PIM3: variants seen among roughly 807,000 people sequenced by gnomAD.
The protein encoded by PIM3 is serine/threonine-protein kinase pim-3.
Under a neutral mutation model 27.5 loss-of-function variants are expected in PIM3, and 13 were observed. The ratio of observed to expected loss-of-function variants is 0.47; its 90% CI spans 0.31 to 0.75. The LOEUF (loss-of-function observed/expected upper bound fraction) is 0.75. PIM3 is among the 30% of genes least tolerant of loss of function. The pLI is 0.05. For missense variants in PIM3, 482 were observed against 476.9 expected, an observed-to-expected ratio of 1.01 and a Z score of -0.10; for synonymous variants, 341 against 221.1, an observed-to-expected ratio of 1.54 and a Z score of -4.81.
At position 49,961,136 on chromosome 22, in the gene PIM3, A is replaced by G. The variant is rs1456765532; in HGVS notation, c.97A>G (p.Lys33Glu). Reference sequence around the variant, plus strand: ...GCGCCTCCCTGCAGCCAAGGCGGACAAGGAGAGCTTCGAGAAGGCGTACCA... The same window carrying G: ...GCGCCTCCCTGCAGCCAAGGCGGACGAGGAGAGCTTCGAGAAGGCGTACCA... Reference protein sequence around the residue: ...VKILQPAKADKESFEKAYQVG... With the variant: ...VKILQPAKADEESFEKAYQVG... Residue 33 changes from lysine (K) to glutamate (E), a missense_variant, in exon 2 of 6, where the codon AAG (lysine) becomes GAG (glutamate). By Grantham distance (56) the Lys-to-Glu change is moderately conservative. Coordinates refer to ENST00000360612, the MANE Select transcript of PIM3 (RefSeq NM_001001852.4). 1.3e-6 allele frequency: 2 copies of G among 1,510,012 alleles called. No homozygotes were observed. The highest frequency in any genetic ancestry group is 1.2e-5 in the South Asian group (1 of 80,172). 93.5% of individuals were successfully genotyped at this position (1,510,012 alleles called of 1,614,324 possible). A position where few individuals can be genotyped will look rare whatever the true frequency, so the allele number is the denominator to read the frequency against.
Position 49,963,246 on chromosome 22 carries a change from C to T in PIM3, c.*119C>T, listed in dbSNP as rs953687795. The T allele has an allele frequency of 1.6e-5, 18 of 1,158,578 alleles. No individual in the cohort carries two copies. In the Admixed American group the frequency reaches 1.8e-4, roughly 12 times the overall value. The allele number at this position is 1,158,578 out of a possible 1,614,324, so 71.8% of individuals were successfully genotyped here. ...CTCCTGCGGAAGCAGTGACCTCTGA[C>T]CCCTGGTGACCTTCGCTTTGAGTGC... On this transcript the variant is annotated 3_prime_UTR_variant, in exon 6 of 6. Transcript: ENST00000360612.
intron 3 of PIM3, 30 bp downstream of exon 3, chr22:49,961,398 C>G (rs1264805951): frequency 2.8e-5 from 40 of 1,413,878 alleles, no homozygotes; most frequent in South Asian, 7.9e-5. Flanking sequence ...GCGGCGGCGG[C>G]GGGGGGCGGG....
At position 49,962,859 on chromosome 22, in the gene PIM3, T is replaced by G; in HGVS notation, c.787T>G (p.Ser263Ala). ...RGRLLFRRRV[S>A]PECQQLIRWC... ...CCGCCTGCTCTTCCGGAGGAGGGTC[T>G]CTCCAGGTGCGTGGTGGCTCGAGGC... Residue 263 changes from serine (S) to alanine (A), a missense_variant, in exon 5 of 6, where the codon TCT becomes GCT. By Grantham distance (99) the Ser-to-Ala change is moderately conservative. Transcript: ENST00000360612. 1 of 1,608,672 alleles carries G rather than the reference T, an allele frequency of 6.2e-7. No individual in the cohort carries two copies. Among genetic ancestry groups the G allele is most frequent in the Non-Finnish European group, 8.5e-7 (1 of 1,179,120 alleles).
Position 49,963,261 on chromosome 22 carries a change from G to A in PIM3, c.*134G>A. On this transcript the variant is annotated 3_prime_UTR_variant, in exon 6 of 6. Transcript: ENST00000360612. ...TGACCTCTGACCCCTGGTGACCTTC[G>A]CTTTGAGTGCCTTTTGAACGCTGGT... The A allele has an allele frequency of 3.0e-6, 3 of 1,005,312 alleles. No homozygotes were observed. Among genetic ancestry groups the A allele is most frequent in the South Asian group, 1.8e-5 (1 of 55,980 alleles). The allele number at this position is 1,005,312 out of a possible 1,614,324, so 62.3% of individuals were successfully genotyped here.
chr22:49,963,623 TATTTATTGTTTA>T lies in PIM3; in HGVS notation c.*504_*515del, dbSNP rs2060921427. ...GGAGGTGCCCTCGGCCCACCGGGGC[TATTTATTGTTTA>T]ATTTATTTGTTGAGGTTATTTCCTC... On this transcript the variant is annotated 3_prime_UTR_variant, in exon 6 of 6. Transcript: ENST00000360612. The T allele has an allele frequency of 6.5e-6, 1 of 153,770 alleles. No homozygotes were observed. The highest frequency in any genetic ancestry group is 1.5e-5 in the Non-Finnish European group (1 of 68,660). The allele number at this position is 153,770 out of a possible 1,614,324, so 9.5% of individuals were successfully genotyped here.
chr22:49,961,244 AC>A lies in PIM3; in HGVS notation c.195+12del, dbSNP rs2060905236. ...CGCCGACGGGCTCCCGGTGAGTCGG[AC>A]CGCCGGGCGGGCCCGGGTTTCTCGC... On this transcript the variant is annotated intron_variant, in intron 2 of 5. Transcript: ENST00000360612. 1.3e-6 allele frequency: 2 copies of A among 1,533,674 alleles called. No homozygotes were observed. Among genetic ancestry groups the A allele is most frequent in the Non-Finnish European group, 8.7e-7 (1 of 1,144,602 alleles).
At position 49,961,579 on chromosome 22, in the gene PIM3, G is replaced by C. The variant is rs769636404; in HGVS notation, c.384G>C (p.Pro128=). 1 of 1,547,284 alleles carries C rather than the reference G, an allele frequency of 6.5e-7. No homozygotes were observed. Among genetic ancestry groups the C allele is most frequent in the Non-Finnish European group, 8.7e-7 (1 of 1,146,700 alleles). ...GFLLVLERPE[P]AQDLFDFITE... ...TGCTGGTGCTGGAGCGGCCCGAGCC[G>C]GCGCAGGACCTCTTCGACTTTATCA... The change falls in exon 4 of 6, where the codon CCG becomes CCC. Residue 128 remains proline, a synonymous_variant. Coordinates refer to ENST00000360612, the MANE Select transcript of PIM3 (RefSeq NM_001001852.4).
chr22:49,961,612 C>G lies in PIM3; in HGVS notation c.417C>G (p.Arg139=), dbSNP rs1367942987. Residue 139 remains arginine, a synonymous_variant, in exon 4 of 6, where the codon CGC becomes CGG. Transcript: ENST00000360612. ...ACCTCTTCGACTTTATCACGGAGCGCGGCGCCCTGGACGAGCCGCTGGCGC... is the reference window on the plus strand; with the variant it reads ...ACCTCTTCGACTTTATCACGGAGCGGGGCGCCCTGGACGAGCCGCTGGCGC... The part of the protein sequence containing the change: ...AQDLFDFITE[R]GALDEPLARR... The G allele has an allele frequency of 1.3e-6, 2 of 1,550,240 alleles. No homozygotes were observed. Among genetic ancestry groups the G allele is most frequent in the Non-Finnish European group, 1.7e-6 (2 of 1,147,966 alleles).
At position 49,961,595 on chromosome 22, in the gene PIM3, G is replaced by A; in HGVS notation, c.400G>A (p.Asp134Asn). ...ERPEPAQDLF[D>N]FITERGALDE... ...GCCCGAGCCGGCGCAGGACCTCTTC[G>A]ACTTTATCACGGAGCGCGGCGCCCT... is the stretch of plus-strand genomic sequence containing the variant. Residue 134 changes from aspartate (D) to asparagine (N), a missense_variant, in exon 4 of 6, where the codon GAC becomes AAC. Asp to Asn is a conservative substitution (Grantham distance 23, BLOSUM62 1). Coordinates refer to ENST00000360612, the MANE Select transcript of PIM3 (RefSeq NM_001001852.4). 1.9e-6 allele frequency: 3 copies of A among 1,548,980 alleles called. No homozygotes were observed. Among genetic ancestry groups the A allele is most frequent in the Non-Finnish European group, 2.6e-6 (3 of 1,147,260 alleles).
Position 49,961,527 on chromosome 22 carries a change from A to G in PIM3, c.332A>G (p.Asp111Gly), listed in dbSNP as rs1316654911. 5 of 1,540,796 alleles carry G rather than the reference A, an allele frequency of 3.2e-6. No homozygotes were observed. The highest frequency in any genetic ancestry group is 4.4e-6 in the Non-Finnish European group (5 of 1,144,228). The change falls in exon 4 of 6, where the codon GAC (aspartate) becomes GGC (glycine). Residue 111 changes from aspartate (D) to glycine (G), a missense_variant. Coordinates refer to ENST00000360612, the MANE Select transcript of PIM3 (RefSeq NM_001001852.4). ...GGARGVIRLL[D>G]WFERPDGFLL... is the part of the protein sequence containing the mutation. ...GCGCGCGGCGTCATCCGCCTGCTGG[A>G]CTGGTTCGAGCGGCCCGACGGCTTC...
At position 49,962,693 on chromosome 22, in the gene PIM3, C is replaced by T. The variant is rs370641817; in HGVS notation, c.621C>T (p.Thr207=). ...KDTVYTDFDG[T]RVYSPPEWIR... ...CTAAGCCCTGTGTCCCCTTAGGCACCCGAGTGTACAGCCCCCCGGAGTGGA... is the reference window on the plus strand; with the variant it reads ...CTAAGCCCTGTGTCCCCTTAGGCACTCGAGTGTACAGCCCCCCGGAGTGGA... The change falls in exon 5 of 6, where the codon ACC becomes ACT. Residue 207 remains threonine, a synonymous_variant. Coordinates refer to ENST00000360612, the MANE Select transcript of PIM3 (RefSeq NM_001001852.4). The T allele has an allele frequency of 8.2e-5, 132 of 1,609,624 alleles. No homozygotes were observed. In the Admixed American group the frequency reaches 9.2e-4, roughly 11 times the overall value.
At position 49,961,791 on chromosome 22, in the gene PIM3, C is replaced by T. The variant is rs776217026; in HGVS notation, c.596C>T (p.Thr199Met). 3.7e-6 allele frequency: 6 copies of T among 1,610,158 alleles called. No individual in the cohort carries two copies. Among genetic ancestry groups the T allele is most frequent in the African/African-American group, 2.7e-5 (2 of 74,282 alleles). The change falls in exon 4 of 6, where the codon ACG (threonine) becomes ATG (methionine). Residue 199 changes from threonine to methionine, a missense_variant. Thr to Met is a moderately conservative substitution (Grantham distance 81). Transcript: ENST00000360612. Reference protein sequence around the residue: ...DFGSGALLKDTVYTDFDGTRV... With the variant: ...DFGSGALLKDMVYTDFDGTRV... ...GGTTCGGGTGCGCTGCTCAAGGACA[C>T]GGTCTACACCGACTTCGACGGTGAG...
chr22:49,961,582 G>A lies in PIM3; in HGVS notation c.387G>A (p.Ala129=), dbSNP rs2060907576. Residue 129 remains alanine (A), a synonymous_variant, in exon 4 of 6, where the codon GCG becomes GCA. Coordinates refer to ENST00000360612, the MANE Select transcript of PIM3 (RefSeq NM_001001852.4). ...TGGTGCTGGAGCGGCCCGAGCCGGCGCAGGACCTCTTCGACTTTATCACGG... is the reference window on the plus strand; with the variant it reads ...TGGTGCTGGAGCGGCCCGAGCCGGCACAGGACCTCTTCGACTTTATCACGG... ...FLLVLERPEP[A]QDLFDFITER... 6.5e-7 allele frequency: 1 copy of A among 1,547,656 alleles called. No homozygotes were observed. The highest frequency in any genetic ancestry group is 8.7e-7 in the Non-Finnish European group (1 of 1,146,802).
In PIM3 at chr22:49,960,994, G is replaced by A; in HGVS notation, c.47G>A (p.Gly16Asp). The change falls in exon 1 of 6, where the codon GGC becomes GAC. Residue 16 changes from glycine (G) to aspartate (D), a missense_variant. By Grantham distance (94) the Gly-to-Asp change is moderately conservative (BLOSUM62 -1). Transcript: ENST00000360612. ...FGSLAHLCGPGGVDHLPVKIL... is the reference protein window; with the variant it reads ...FGSLAHLCGPDGVDHLPVKIL... ...TCCCTGGCGCACCTCTGCGGGCCCG[G>A]CGGCGTGGACCACCTCCCGGTGAAG... The A allele has an allele frequency of 1.4e-6, 2 of 1,396,130 alleles. No homozygotes were observed. The highest frequency in any genetic ancestry group is 9.4e-7 in the Non-Finnish European group (1 of 1,066,064). 86.5% of individuals were successfully genotyped at this position (1,396,130 alleles called of 1,614,324 possible). A position where few individuals can be genotyped will look rare whatever the true frequency, so the allele number is the denominator to read the frequency against.
At position 49,960,993 on chromosome 22, in the gene PIM3, G is replaced by T; in HGVS notation, c.46G>T (p.Gly16Cys). Residue 16 changes from glycine to cysteine, a missense_variant, in exon 1 of 6, where the codon GGC (glycine) becomes TGC (cysteine). Coordinates refer to ENST00000360612, the MANE Select transcript of PIM3 (RefSeq NM_001001852.4). ...CTCCCTGGCGCACCTCTGCGGGCCC[G>T]GCGGCGTGGACCACCTCCCGGTGAA... ...FGSLAHLCGPGGVDHLPVKIL... is the reference protein window; with the variant it reads ...FGSLAHLCGPCGVDHLPVKIL... 7.2e-7 allele frequency: 1 copy of T among 1,395,488 alleles called. No individual in the cohort carries two copies. The highest frequency in any genetic ancestry group is 9.4e-7 in the Non-Finnish European group (1 of 1,065,752). 86.4% of individuals were successfully genotyped at this position (1,395,488 alleles called of 1,614,324 possible). A position where few individuals can be genotyped will look rare whatever the true frequency, so the allele number is the denominator to read the frequency against.
chr22:49,963,404 G>T lies in PIM3; in HGVS notation c.*277G>T. The T allele has an allele frequency of 2.7e-6, 1 of 367,922 alleles. No homozygotes were observed. 22.8% of individuals were successfully genotyped at this position (367,922 alleles called of 1,614,324 possible). A position where few individuals can be genotyped will look rare whatever the true frequency, so the allele number is the denominator to read the frequency against. On this transcript the variant is annotated 3_prime_UTR_variant, in exon 6 of 6. Coordinates refer to ENST00000360612, the MANE Select transcript of PIM3 (RefSeq NM_001001852.4). ...CCCCTCTGTGCTGCTGTGTCCGGAG[G>T]CGGCCTTCCCATCTGCCTGCCCACC... is the stretch of plus-strand genomic sequence containing the variant.
Position 49,961,233 on chromosome 22 carries a change from C to T in PIM3, c.194C>T (p.Pro65Leu). The change falls in exon 2 of 6, where the codon CCG (proline) becomes CTG (leucine). Residue 65 changes from proline to leucine, a missense_variant and splice_region_variant. By Grantham distance (98) the Pro-to-Leu change is moderately conservative (BLOSUM62 -3). Coordinates refer to ENST00000360612, the MANE Select transcript of PIM3 (RefSeq NM_001001852.4). ...YAGSRIADGL[P>L]VAVKHVVKER... The stretch of plus-strand genomic sequence containing the variant: ...GGTAGCCGCATCGCCGACGGGCTCC[C>T]GGTGAGTCGGACCGCCGGGCGGGCC... 6.5e-7 allele frequency: 1 copy of T among 1,535,198 alleles called. No homozygotes were observed. Among genetic ancestry groups the T allele is most frequent in the Non-Finnish European group, 8.7e-7 (1 of 1,144,954 alleles).
At chr22:49,961,257 C>T (rs1219077865) in intron 2 of PIM3, 23 bp downstream of exon 2, 1 of 1,536,050 alleles carries the variant, frequency 6.5e-7, no homozygotes, top group Non-Finnish European at 8.7e-7. Flanking sequence ...GCCGGGCGGG[C>T]CCGGGTTTCT....
At position 49,964,043 on chromosome 22, in the gene PIM3, G is replaced by A. The variant is rs1458286103; in HGVS notation, c.*916G>A. 6.6e-6 allele frequency: 1 copy of A among 152,310 alleles called. No individual in the cohort carries two copies. 9.4% of individuals were successfully genotyped at this position (152,310 alleles called of 1,614,324 possible). A position where few individuals can be genotyped will look rare whatever the true frequency, so the allele number is the denominator to read the frequency against. On this transcript the variant is annotated 3_prime_UTR_variant, in exon 6 of 6. Coordinates refer to ENST00000360612, the MANE Select transcript of PIM3 (RefSeq NM_001001852.4). The stretch of plus-strand genomic sequence containing the variant: ...TCTGGAGATCATATTTTTTTATACA[G>A]GTATTTCAATTAAAATGTTTTTGTA...
Sources: allele counts gnomAD v4.1 joint callset, GRCh38; gene constraint gnomAD v4.1.1; transcripts MANE v1.5; gene names NCBI Gene and HGNC (gene_info 2026-07-23, HGNC 2026-07-21).